The following DCAF10 variants were observed in gnomAD, a reference collection of about 807,000 sequenced individuals.
The protein encoded by DCAF10 is DDB1- and CUL4-associated factor 10.
In DCAF10, 19 loss-of-function variants were observed where a neutral mutation model predicts 51.9. That is an observed-to-expected ratio of 0.37 (90% CI 0.26 to 0.54). The LOEUF (loss-of-function observed/expected upper bound fraction) is 0.54, where lower values mean the gene tolerates loss of function less well. Among genes scored for constraint, DCAF10 ranks in the 20% least tolerant of loss-of-function variants. The pLI is 0.87. For missense variants in DCAF10, 510 were observed against 730.6 expected (o/e 0.70, Z 3.48); for synonymous variants, 291 against 297.1 (o/e 0.98, Z 0.21).
intron 1 of DCAF10, among the ~76,000 whole-genome samples, chr9:37,811,324 C>T (rs958315090): frequency 6.6e-6 from 1 of 152,060 alleles, no homozygotes; most frequent in African/African-American, 2.4e-5. Context: ...CAAGCAAGAC[C>T]CTGTCTCTAA....
rs1384874419 is a variant in DCAF10 at position 37,829,184 on chromosome 9, G to T, written c.653+9783G>T. On this transcript the variant is annotated intron_variant, in intron 2 of 6. Transcript: ENST00000377724. The surrounding 1 kb of genome is among the most constrained non-coding windows in gnomAD (Gnocchi z 4.2). ...TACAATGAACAGGCCGGGCACGGTG[G>T]CTCATGCCTGTAATTCCCGCACTTT... is the stretch of plus-strand genomic sequence containing the variant. Among the ~76,000 whole-genome samples the T allele has an allele frequency of 6.6e-6, 1 of 152,222 alleles. No homozygotes were observed. The highest frequency in any genetic ancestry group is 1.5e-5 in the Non-Finnish European group (1 of 68,036).
chr9:37,814,452 A>G (rs57786385), intron 1 of DCAF10, among the ~76,000 whole-genome samples: 2,949 of 145,930 alleles, frequency 0.02, 96 homozygotes, highest in African/African-American at 0.07. Context: ...CTGGCCTTCA[A>G]TTTTTTTTTT....
chr9:37,811,464 G>T lies in DCAF10; in HGVS notation c.540-7824G>T, dbSNP rs549886067. On this transcript the variant is annotated intron_variant, in intron 1 of 6. Transcript: ENST00000377724. ...AAACCAAGAAAATCAGCAAACAATAGAAATAGACCCACAGGAGATCTGACA... is the reference window on the plus strand; with the variant it reads ...AAACCAAGAAAATCAGCAAACAATATAAATAGACCCACAGGAGATCTGACA... 3.3e-5 allele frequency among the ~76,000 whole-genome samples: 5 copies of T among 152,188 alleles called. No individual in the cohort carries two copies. The South Asian group carries it at 8.3e-4, about 25-fold the overall frequency.
At chr9:37,830,931 T>TA (rs1829987454) in intron 2 of DCAF10, among the ~76,000 whole-genome samples, 1 of 152,202 alleles carries the variant, frequency 6.6e-6, no homozygotes, top group Non-Finnish European at 1.5e-5. Context: ...ATACATAACT[T>TA]AAGAGTTTTG....
At chr9:37,843,268 T>C (rs7855861) in intron 3 of DCAF10, among the ~76,000 whole-genome samples, 29,164 of 152,074 alleles carry the variant, frequency 0.19, 3,207 homozygotes, top group African/African-American at 0.29. Context: ...CCTCCTGCCT[T>C]AGCTCCCAAA....
intron 1 of DCAF10, among the ~76,000 whole-genome samples, chr9:37,814,440 G>T (rs973002374): frequency 6.7e-6 from 1 of 149,410 alleles, no homozygotes; most frequent in African/African-American, 2.5e-5. Context: ...GAGCCACCAC[G>T]CCTGGCCTTC....
intron 4 of DCAF10, among the ~76,000 whole-genome samples, chr9:37,855,380 G>C (rs1830816739): frequency 6.6e-6 from 1 of 152,162 alleles, no homozygotes; most frequent in Non-Finnish European, 1.5e-5. Context: ...TAGAGTTTTA[G>C]TTTTATCTGT....
At chr9:37,840,284 C>T (rs1031594775) in intron 2 of DCAF10, among the ~76,000 whole-genome samples, 3 of 152,108 alleles carry the variant, frequency 2.0e-5, no homozygotes, top group Non-Finnish European at 4.4e-5. Context: ...AACTGTAAAA[C>T]AGCCTCAGGG....
intron 3 of DCAF10, among the ~76,000 whole-genome samples, chr9:37,850,912 T>C: frequency 7.2e-6 from 1 of 138,540 alleles, no homozygotes; most frequent in Middle Eastern, 3.8e-3. Flanking sequence ...TTCCACAATA[T>C]ATACATATTT....
At chr9:37,838,017 T>C (rs541157705) in intron 2 of DCAF10, among the ~76,000 whole-genome samples, 1 of 151,478 alleles carries the variant, frequency 6.6e-6, no homozygotes, top group East Asian at 1.9e-4. Context: ...AGCAAGACCC[T>C]GTCTCAAGAA....
intron 1 of DCAF10, among the ~76,000 whole-genome samples, chr9:37,806,778 C>A (rs962452149): frequency 1.3e-5 from 2 of 152,072 alleles, no homozygotes; most frequent in South Asian, 2.1e-4. Context: ...ATAAGTGTGC[C>A]AACACCCAAT....
At chr9:37,807,455 G>C (rs755843396) in intron 1 of DCAF10, among the ~76,000 whole-genome samples, 41 of 152,150 alleles carry the variant, frequency 2.7e-4, no homozygotes, top group Non-Finnish European at 4.7e-4. Context: ...AAGGGCATCT[G>C]TGTCAAATAA....
At chr9:37,857,098 TG>T in intron 4 of DCAF10, 142 bp from the exon 5 acceptor site, 1 of 518,954 alleles carries the variant, frequency 1.9e-6, no homozygotes. Flanking sequence ...AGAGCTGTCT[TG>T]CCTTCCTCAG....
intron 4 of DCAF10, among the ~76,000 whole-genome samples, chr9:37,855,451 T>G (rs1263162891): frequency 1.3e-5 from 2 of 152,224 alleles, no homozygotes; most frequent in Non-Finnish European, 2.9e-5. Context: ...CATTACTCTC[T>G]AAACGCTCTT....
At chr9:37,841,448 A>G (rs1830334729) in intron 2 of DCAF10, among the ~76,000 whole-genome samples, 1 of 152,212 alleles carries the variant, frequency 6.6e-6, no homozygotes, top group African/African-American at 2.4e-5. Flanking sequence ...CTCACTAAGG[A>G]TTGAGAAGTT....
rs991268871 is a variant in DCAF10 at position 37,867,377 on chromosome 9, C to T, written c.*5869C>T. On this transcript the variant is annotated 3_prime_UTR_variant, in exon 7 of 7. Coordinates refer to ENST00000377724, the MANE Select transcript of DCAF10 (RefSeq NM_024345.5). Reference sequence around the variant, plus strand: ...CCTCATTTAGATTTCATGGTTTTTACATAAAGGGTGAATATTTGAATTTTC... The same window carrying T: ...CCTCATTTAGATTTCATGGTTTTTATATAAAGGGTGAATATTTGAATTTTC... The T allele has an allele frequency of 3.9e-5, 6 of 152,008 alleles. No individual in the cohort carries two copies. The highest frequency in any genetic ancestry group is 7.4e-5 in the Non-Finnish European group (5 of 67,992). 9.4% of individuals were successfully genotyped at this position (152,008 alleles called of 1,614,324 possible).
chr9:37,842,855 C>T (rs550497847), intron 3 of DCAF10, among the ~76,000 whole-genome samples: 1 of 152,308 alleles, frequency 6.6e-6, no homozygotes, highest in East Asian at 1.9e-4. Context: ...CCTAAAATGC[C>T]AGTTATGCCT....
At chr9:37,835,995 C>T (rs1037984311) in intron 2 of DCAF10, 26 of 987,384 alleles carry the variant, frequency 2.6e-5, no homozygotes, top group Non-Finnish European at 4.1e-5. Flanking sequence ...TCCCCAATCC[C>T]TGCCAGAGGC....
chr9:37,841,795 CT>C (rs1438273465), intron 2 of DCAF10, among the ~76,000 whole-genome samples: 2 of 151,950 alleles, frequency 1.3e-5, no homozygotes. Context: ...CTTTTTTTCC[CT>C]TCTGTCACTG....
Sources: gnomAD v4.1 joint callset for allele counts (sites outside exome capture counted in the v4.1 genomes callset) on GRCh38, gnomAD v4.1.1 for gene constraint, Gnocchi (gnomAD v3.1) non-coding constraint, MANE v1.5 for transcripts, NCBI Gene and HGNC (gene_info 2026-07-23, HGNC 2026-07-21) for gene names.